Variants in RBFOX1 observed in about 807,000 individuals in gnomAD.
RBFOX1 encodes the protein RNA binding protein fox-1 homolog 1.
Under a neutral mutation model 57.7 loss-of-function variants are expected in RBFOX1, and 8 were observed. The observed-to-expected ratio is 0.14, with a 90% CI of 0.08 to 0.25. The LOEUF (loss-of-function observed/expected upper bound fraction) is 0.25. Among genes scored for constraint, RBFOX1 ranks in the 10% least tolerant of loss-of-function variants. The pLI is 1.00. For synonymous variants in RBFOX1, 326 were observed against 222.4 expected, an observed-to-expected ratio of 1.47 and a Z score of -4.15; for missense variants, 611 against 548.5, an observed-to-expected ratio of 1.11 and a Z score of -1.14.
intron 3 of RBFOX1, among the ~76,000 whole-genome samples, chr16:5,750,589 G>A (rs1011893099): frequency 3.3e-5 from 5 of 152,156 alleles, no homozygotes; most frequent in Admixed American, 6.5e-5. Context: ...CCCCAGCCTC[G>A]CTGCCGTCTT....
chr16:6,394,259 A>G (rs1013114898), intron 2 of RBFOX1, among the ~76,000 whole-genome samples: 1 of 152,234 alleles, frequency 6.6e-6, no homozygotes, highest in African/African-American at 2.4e-5. Context: ...TCTGAAAACA[A>G]AAGGGATAAT....
chr16:5,842,553 C>G (rs1028307658), intron 3 of RBFOX1, among the ~76,000 whole-genome samples: 2 of 152,160 alleles, frequency 1.3e-5, no homozygotes, highest in African/African-American at 4.8e-5. Context: ...TTCATTTATC[C>G]ATTTTTAAAC....
At chr16:5,961,243 C>G (rs941749830) in intron 4 of RBFOX1, among the ~76,000 whole-genome samples, 4 of 152,054 alleles carry the variant, frequency 2.6e-5, no homozygotes, top group African/African-American at 9.7e-5. Context: ...ACAGAGCATG[C>G]TGAACATTTT....
intron 3 of RBFOX1, among the ~76,000 whole-genome samples, chr16:6,843,732 C>G (rs577740282): frequency 1.3e-5 from 2 of 152,102 alleles, no homozygotes; most frequent in African/African-American, 2.4e-5. Flanking sequence ...CAGGTAGTTC[C>G]TTTTCACATA....
intron 3 of RBFOX1, among the ~76,000 whole-genome samples, chr16:5,801,902 G>T (rs2085793636): frequency 6.6e-6 from 1 of 152,170 alleles, no homozygotes; most frequent in South Asian, 2.1e-4. Flanking sequence ...ATTAGGTGAG[G>T]AAATGGAGCA....
At position 7,446,229 on chromosome 16, in the gene RBFOX1, C is replaced by G. The variant is rs568578061; in HGVS notation, c.28-71918C>G. Among the ~76,000 whole-genome samples, 169 of 152,264 alleles carry G rather than the reference C, an allele frequency of 1.1e-3. 1 individual carries two copies. The highest frequency in any genetic ancestry group is 3.7e-3 in the African/African-American group (154 of 41,556). On this transcript the variant is annotated intron_variant, in intron 4 of 15. Transcript: ENST00000550418. ...TATTAAAGTTGGCTCTTGAGTCTCC[C>G]CAGACCCATGCGAATTGACAGGAAG...
chr16:5,490,964 T>G (rs977654764), intron 2 of RBFOX1, among the ~76,000 whole-genome samples: 1 of 151,824 alleles, frequency 6.6e-6, no homozygotes, highest in African/African-American at 2.4e-5. Flanking sequence ...GTATATACAT[T>G]TATTTATATA....
intron 3 of RBFOX1, among the ~76,000 whole-genome samples, chr16:6,717,304 C>G (rs2065024393): frequency 6.6e-6 from 1 of 152,034 alleles, no homozygotes; most frequent in Non-Finnish European, 1.5e-5. Flanking sequence ...GAGCCGCAAG[C>G]CTTGAACTTA....
chr16:6,545,976 C>T (rs747899214), intron 2 of RBFOX1, among the ~76,000 whole-genome samples: 4 of 152,176 alleles, frequency 2.6e-5, no homozygotes, highest in African/African-American at 9.7e-5. Flanking sequence ...AATCTTTTGG[C>T]TTCTCTGGGC....
At chr16:6,472,525 G>A (rs2095200303) in intron 2 of RBFOX1, among the ~76,000 whole-genome samples, 1 of 152,160 alleles carries the variant, frequency 6.6e-6, no homozygotes, top group African/African-American at 2.4e-5. Context: ...GCTGACATCT[G>A]TGGAGTGAAG....
chr16:6,552,173 A>G (rs954515017), intron 2 of RBFOX1, among the ~76,000 whole-genome samples: 1 of 152,250 alleles, frequency 6.6e-6, no homozygotes, highest in African/African-American at 2.4e-5. Context: ...GTTGGAACAC[A>G]TCTAGTAAAT....
intron 4 of RBFOX1, among the ~76,000 whole-genome samples, chr16:7,333,726 C>A (rs2096733891): frequency 6.6e-6 from 1 of 151,984 alleles, no homozygotes. Context: ...TCTTTTAATT[C>A]TGTGCAGAGA....
At chr16:5,942,087 C>A (rs2059291762) in intron 4 of RBFOX1, among the ~76,000 whole-genome samples, 1 of 152,076 alleles carries the variant, frequency 6.6e-6, no homozygotes, top group South Asian at 2.1e-4. Context: ...CTGTAACCAC[C>A]CAGTGGGTTC....
At chr16:7,137,915 A>G (rs2072498736) in intron 4 of RBFOX1, among the ~76,000 whole-genome samples, 1 of 152,194 alleles carries the variant, frequency 6.6e-6, no homozygotes, top group Admixed American at 6.5e-5. Flanking sequence ...AGCTTGATGT[A>G]CATTAGCTAA....
At chr16:7,477,517 T>C (rs1056339706) in intron 4 of RBFOX1, among the ~76,000 whole-genome samples, 5 of 152,134 alleles carry the variant, frequency 3.3e-5, no homozygotes, top group African/African-American at 9.7e-5. Context: ...CTGAATATTA[T>C]TGCCTGGCTG....
At chr16:5,712,626 A>G (rs112183825) in intron 3 of RBFOX1, among the ~76,000 whole-genome samples, 2 of 38,850 alleles carry the variant, frequency 5.1e-5, no homozygotes, top group Non-Finnish European at 3.8e-4. Context: ...ATTTGTCCTC[A>G]TGTGTAGTTT....
intron 2 of RBFOX1, among the ~76,000 whole-genome samples, chr16:6,574,653 C>G (rs1186960389): frequency 2.7e-5 from 4 of 146,310 alleles, no homozygotes; most frequent in Non-Finnish European, 6.1e-5. Flanking sequence ...TGGTCTCGAT[C>G]TCCTGACCTC....
intron 5 of RBFOX1, among the ~76,000 whole-genome samples, chr16:7,574,053 C>T (rs1173848743): frequency 6.6e-6 from 1 of 152,114 alleles, no homozygotes; most frequent in African/African-American, 2.4e-5. Flanking sequence ...TCATAACGTT[C>T]AGCAAGCTTC....
intron 4 of RBFOX1, among the ~76,000 whole-genome samples, chr16:7,445,166 C>A (rs11077178): frequency 0.2 from 30,423 of 151,874 alleles, 4,295 homozygotes; most frequent in African/African-American, 0.38. Flanking sequence ...TCAGCATGTG[C>A]CTGGGCAGTT....
Sources: allele counts gnomAD v4.1 joint callset (sites outside exome capture counted in the v4.1 genomes callset), GRCh38; gene constraint gnomAD v4.1.1; transcripts MANE v1.5; gene names NCBI Gene and HGNC (gene_info 2026-07-23, HGNC 2026-07-21).